Variants in GPR85 observed in about 807,000 individuals in gnomAD.
GPR85 encodes the protein G protein-coupled receptor 85.
A neutral mutation model predicts 21.3 loss-of-function variants in GPR85; 7 were observed. The ratio of observed to expected loss-of-function variants is 0.33; its 90% confidence interval spans 0.19 to 0.62. GPR85 has a LOEUF of 0.62. Ranked by LOEUF, GPR85 falls within the 20% of genes least tolerant of loss-of-function variation. The probability of loss-of-function intolerance (pLI) is 0.80; values close to 1 mark genes in which losing one functional copy is unlikely to be tolerated. For missense variants in GPR85, 299 were observed against 443.8 expected, an observed-to-expected ratio of 0.67 and a Z score of 2.93; for synonymous variants, 167 against 166.1, an observed-to-expected ratio of 1.01 and a Z score of -0.04.
upstream of GPR85, among the ~76,000 whole-genome samples, chr7:113,087,170 G>GGA (rs1794332526): frequency 6.6e-6 from 1 of 152,144 alleles, no homozygotes; most frequent in Non-Finnish European, 1.5e-5. Context: ...GTAAAAGTAG[G>GGA]GAGAAAGCTA....
In GPR85 at chr7:113,084,893, T is replaced by TC; in HGVS notation, c.-170-3_-170-2insG. ...CCACTTGTTTTGCCATCAGAATATC[T>TC]GAAAAAAAAAAAAAAAAAAACCTAT... On this transcript the variant is annotated splice_region_variant and splice_polypyrimidine_tract_variant and intron_variant, in intron 2 of 2. Transcript: ENST00000424100. 14 of 278,000 alleles carry TC rather than the reference T, an allele frequency of 5.0e-5. No homozygotes were observed. Among genetic ancestry groups the TC allele is most frequent in the East Asian group, 5.7e-5 (1 of 17,482 alleles). 17.2% of individuals were successfully genotyped at this position (278,000 alleles called of 1,614,324 possible).
rs1274498933 is a variant in GPR85, at chr7:113,084,013, C to T, written c.709G>A (p.Gly237Ser). 2 of 1,614,056 alleles carry T rather than the reference C, an allele frequency of 1.2e-6. No individual in the cohort carries two copies. Among genetic ancestry groups the T allele is most frequent in the Non-Finnish European group, 1.7e-6 (2 of 1,180,044 alleles). ...GCTAGCCAATTGGCAGCTGCCTGGC[C>T]ACTGGCTCCAGGACCATGAAAAGTC... ...NWTFHGPGAS[G>S]QAAANWLAGF... The change falls in exon 3 of 3, where the codon GGC (glycine) becomes AGC (serine). Residue 237 changes from glycine (G) to serine (S), a missense_variant. Physicochemically the swap from Gly to Ser is moderately conservative, Grantham distance 56. Around this residue, in one of 2 missense-constraint regions of GPR85, gnomAD observed 198 missense variants for 335.4 expected, o/e 0.59. Transcript: ENST00000424100.
In GPR85 at chr7:113,084,896, A is replaced by G. The variant is rs78756576; in HGVS notation, c.-170-5T>C. ...CTTGTTTTGCCATCAGAATATCTGA[A>G]AAAAAAAAAAAAAAAAACCTATCAG... is the stretch of plus-strand genomic sequence containing the variant. On this transcript the variant is annotated splice_polypyrimidine_tract_variant and splice_region_variant and intron_variant, in intron 2 of 2. Coordinates refer to ENST00000424100, the MANE Select transcript of GPR85 (RefSeq NM_001146267.2). The G allele has an allele frequency of 7.7e-6, 2 of 258,924 alleles. No individual in the cohort carries two copies. The highest frequency in any genetic ancestry group is 7.5e-5 in the South Asian group (1 of 13,302). The allele number at this position is 258,924 out of a possible 1,614,324, so 16.0% of individuals were successfully genotyped here. A position where few individuals can be genotyped will look rare whatever the true frequency, so the allele number is the denominator to read the frequency against.
Position 113,083,708 on chromosome 7 carries a change from G to A in GPR85, c.1014C>T (p.Val338=), listed in dbSNP as rs771662948. ...SFAQAGINPF[V]CIFSNRELRR... ...TCAGCTCCCTGTTTGAGAAAATGCA[G>A]ACAAAAGGATTGATTCCTGCTTGGG... The change falls in exon 3 of 3, where the codon GTC becomes GTT. Residue 338 remains valine, a synonymous_variant. Coordinates refer to ENST00000424100, the MANE Select transcript of GPR85 (RefSeq NM_001146267.2). The surrounding 1 kb of genome is among the most constrained non-coding windows in gnomAD (Gnocchi z 4.4). 27 of 1,614,112 alleles carry A rather than the reference G, an allele frequency of 1.7e-5. No homozygotes were observed. The highest frequency in any genetic ancestry group is 2.2e-5 in the Non-Finnish European group (26 of 1,180,040).
At position 113,084,190 on chromosome 7, in the gene GPR85, A is replaced by G; in HGVS notation, c.532T>C (p.Ser178Pro). ...EEDQCTFQHR[S>P]FRANDSLGFM... The stretch of plus-strand genomic sequence containing the variant: ...CCTAAGGAATCATTAGCCCTGAAGG[A>G]GCGGTGTTGGAAGGTGCATTGATCT... The change falls in exon 3 of 3, where the codon TCC (serine) becomes CCC (proline). Residue 178 changes from serine (S) to proline (P), a missense_variant. Transcript: ENST00000424100. 1 of 1,614,118 alleles carries G rather than the reference A, an allele frequency of 6.2e-7. No homozygotes were observed. Among genetic ancestry groups the G allele is most frequent in the Non-Finnish European group, 8.5e-7 (1 of 1,180,006 alleles).
At position 113,086,689 on chromosome 7, in the gene GPR85, C is replaced by T. The variant is rs1794315217; in HGVS notation, c.-656G>A. On this transcript the variant is annotated 5_prime_UTR_variant, in exon 1 of 3. It introduces an in-frame stop codon into an upstream open reading frame of the 5' UTR. Transcript: ENST00000424100. ...GGGTTTATTGACTGCCCTGTCCAAT[C>T]CAACTGGCAGCATTAAGCTTTTGTC... is the stretch of plus-strand genomic sequence containing the variant. Among the ~76,000 whole-genome samples, 1 of 151,890 alleles carries T rather than the reference C, an allele frequency of 6.6e-6. No homozygotes were observed. The highest frequency in any genetic ancestry group is 1.9e-4 in the East Asian group (1 of 5,138).
chr7:113,083,334 G>A lies in GPR85; in HGVS notation c.*275C>T. ...CATTTAGCACTGATACTTAGCACCTGCTACTTTCATTATCTAGTTTTTGAC... is the reference window on the plus strand; with the variant it reads ...CATTTAGCACTGATACTTAGCACCTACTACTTTCATTATCTAGTTTTTGAC... On this transcript the variant is annotated 3_prime_UTR_variant, in exon 3 of 3. Transcript: ENST00000424100. This position sits in a 1 kb window ranked among gnomAD's most constrained non-coding sequence, Gnocchi z 4.4. 1 of 388,496 alleles carries A rather than the reference G, an allele frequency of 2.6e-6. No homozygotes were observed. 24.1% of individuals were successfully genotyped at this position (388,496 alleles called of 1,614,324 possible).
chr7:113,086,195 GAGACACACACACAC>G (rs1301894597), intron 1 of GPR85, 86 bp from the exon 2 acceptor site: 1 of 28,390 alleles, frequency 3.5e-5, no homozygotes, highest in African/African-American at 7.7e-5. Context: ...CACACACACA[GAGACACACACACAC>G]ACACACACAC....
In GPR85 at chr7:113,083,872, T is replaced by C; in HGVS notation, c.850A>G (p.Ser284Gly). The C allele has an allele frequency of 6.2e-7, 1 of 1,614,234 alleles. No individual in the cohort carries two copies. The highest frequency in any genetic ancestry group is 8.5e-7 in the Non-Finnish European group (1 of 1,180,034). The change falls in exon 3 of 3, where the codon AGC (serine) becomes GGC (glycine). Residue 284 changes from serine to glycine, a missense_variant. Ser to Gly is a moderately conservative substitution (Grantham distance 56). This residue lies in a region of GPR85 where 198 missense variants were observed against 335.4 expected (regional missense o/e 0.59). Coordinates refer to ENST00000424100, the MANE Select transcript of GPR85 (RefSeq NM_001146267.2). The surrounding 1 kb of genome is among the most constrained non-coding windows in gnomAD (Gnocchi z 4.4). ...AAAGTCATTATATAGAACATTCTGC[T>C]GATTCTTTTCTCCATTTTGAACTCG... ...LDEFKMEKRI[S>G]RMFYIMTFLF...
At position 113,086,425 on chromosome 7, in the gene GPR85, T is replaced by TTTTTTTTTTTTG. The variant is rs1794298850; in HGVS notation, c.-393_-392insCAAAAAAAAAAA. On this transcript the variant is annotated 5_prime_UTR_variant, in exon 1 of 3. Transcript: ENST00000424100. The stretch of plus-strand genomic sequence containing the variant: ...TTTTTTTTTTTTTTTTTGTTTTTTG[T>TTTTTTTTTTTTG]TTTTTTTTTTTTTTTTTTTGCCTTA... The TTTTTTTTTTTTG allele has an allele frequency of 1.6e-5, 1 of 62,888 alleles. No individual in the cohort carries two copies. Among genetic ancestry groups the TTTTTTTTTTTTG allele is most frequent in the African/African-American group, 8.1e-5 (1 of 12,284 alleles). The allele number at this position is 62,888 out of a possible 1,614,324, so 3.9% of individuals were successfully genotyped here.
Position 113,084,443 on chromosome 7 carries a change from A to T in GPR85, c.279T>A (p.Thr93=), listed in dbSNP as rs2115759267. 6.2e-7 allele frequency: 1 copy of T among 1,614,112 alleles called. No homozygotes were observed. Among genetic ancestry groups the T allele is most frequent in the South Asian group, 1.1e-5 (1 of 91,072 alleles). ...NGSTWTYGTL[T]CKVIAFLGVL... ...CCCCCAGAAAGGCAATCACTTTGCA[A>T]GTCAGAGTCCCATAAGTCCAGGTAG... The change falls in exon 3 of 3, where the codon ACT becomes ACA. Residue 93 remains threonine, a synonymous_variant. Transcript: ENST00000424100.
rs1794189393 is a variant in GPR85, at chr7:113,083,456, T to C, written c.*153A>G. 2 of 706,892 alleles carry C rather than the reference T, an allele frequency of 2.8e-6. No individual in the cohort carries two copies. Among genetic ancestry groups the C allele is most frequent in the East Asian group, 2.5e-5 (1 of 39,924 alleles). 43.8% of individuals were successfully genotyped at this position (706,892 alleles called of 1,614,324 possible). A position where few individuals can be genotyped will look rare whatever the true frequency, so the allele number is the denominator to read the frequency against. On this transcript the variant is annotated 3_prime_UTR_variant, in exon 3 of 3. Transcript: ENST00000424100. This position sits in a 1 kb window ranked among gnomAD's most constrained non-coding sequence, Gnocchi z 4.4. ...CACTCTGAGATTTAAAATAGGATTA[T>C]AGGTGAACTATTGCAAAGACTGCAG...
chr7:113,083,348 C>T lies in GPR85; in HGVS notation c.*261G>A, dbSNP rs1794186638. The T allele has an allele frequency of 2.4e-6, 1 of 413,334 alleles. No homozygotes were observed. The highest frequency in any genetic ancestry group is 4.1e-5 in the Admixed American group (1 of 24,682). The allele number at this position is 413,334 out of a possible 1,614,324, so 25.6% of individuals were successfully genotyped here. A position where few individuals can be genotyped will look rare whatever the true frequency, so the allele number is the denominator to read the frequency against. On this transcript the variant is annotated 3_prime_UTR_variant, in exon 3 of 3. Transcript: ENST00000424100. This position sits in a 1 kb window ranked among gnomAD's most constrained non-coding sequence, Gnocchi z 4.4. ...ACTTAGCACCTGCTACTTTCATTAT[C>T]TAGTTTTTGACCACATAAAGAAACT...
Position 113,084,446 on chromosome 7 carries a change from C to T in GPR85, c.276G>A (p.Leu92=). Residue 92 remains leucine, a synonymous_variant, in exon 3 of 3, where the codon CTG becomes CTA. Coordinates refer to ENST00000424100, the MANE Select transcript of GPR85 (RefSeq NM_001146267.2). ...CCAGAAAGGCAATCACTTTGCAAGTCAGAGTCCCATAAGTCCAGGTAGAAC... is the reference window on the plus strand; with the variant it reads ...CCAGAAAGGCAATCACTTTGCAAGTTAGAGTCCCATAAGTCCAGGTAGAAC... ...KNGSTWTYGT[L]TCKVIAFLGV... is the part of the protein sequence containing the mutation. The T allele has an allele frequency of 6.2e-7, 1 of 1,614,066 alleles. No homozygotes were observed. Among genetic ancestry groups the T allele is most frequent in the Non-Finnish European group, 8.5e-7 (1 of 1,179,972 alleles).
At position 113,086,443 on chromosome 7, in the gene GPR85, T is replaced by TTTTTTTTC. The variant is rs1226724105; in HGVS notation, c.-411_-410insGAAAAAAA. The TTTTTTTTC allele has an allele frequency of 7.5e-6, 1 of 133,692 alleles. No homozygotes were observed. The highest frequency in any genetic ancestry group is 2.8e-5 in the African/African-American group (1 of 35,124). The allele number at this position is 133,692 out of a possible 1,614,324, so 8.3% of individuals were successfully genotyped here. ...TTTTTTGTTTTTTTTTTTTTTTTTTTTGCCTTAGTGCCTTGACTGAGCATC... is the reference window on the plus strand; with the variant it reads ...TTTTTTGTTTTTTTTTTTTTTTTTTTTTTTTTTCTGCCTTAGTGCCTTGACTGAGCATC... On this transcript the variant is annotated 5_prime_UTR_variant, in exon 1 of 3. The change abolishes the stop of an existing upstream ORF in the 5' untranslated region. Transcript: ENST00000424100.
chr7:113,084,694 T>C lies in GPR85; in HGVS notation c.28A>G (p.Asn10Asp). 6.2e-7 allele frequency: 1 copy of C among 1,613,618 alleles called. No individual in the cohort carries two copies. ...AGAGGCGAGAGATTTTGCAAAATGTTGTCAGCTGCATGGCTATAGTTCGCC... is the reference window on the plus strand; with the variant it reads ...AGAGGCGAGAGATTTTGCAAAATGTCGTCAGCTGCATGGCTATAGTTCGCC... MANYSHAAD[N>D]ILQNLSPLTA... Residue 10 changes from asparagine (N) to aspartate (D), a missense_variant, in exon 3 of 3, where the codon AAC becomes GAC. Asn to Asp is a conservative substitution (Grantham distance 23, BLOSUM62 1). Coordinates refer to ENST00000424100, the MANE Select transcript of GPR85 (RefSeq NM_001146267.2).
In GPR85 at chr7:113,083,779, C is replaced by T. The variant is rs1430591606; in HGVS notation, c.943G>A (p.Val315Ile). The T allele has an allele frequency of 6.2e-7, 1 of 1,614,242 alleles. No homozygotes were observed. The highest frequency in any genetic ancestry group is 8.5e-7 in the Non-Finnish European group (1 of 1,180,026). ...CYWRVFARGP[V>I]VPGGFLTAAV... is the part of the protein sequence containing the mutation. ...GCTGTTAGAAATCCCCCTGGTACTA[C>T]AGGCCCTCTTGCAAAAACTCTCCAA... is the stretch of plus-strand genomic sequence containing the variant. The change falls in exon 3 of 3, where the codon GTA (valine) becomes ATA (isoleucine). Residue 315 changes from valine to isoleucine, a missense_variant. Val to Ile is a conservative substitution (Grantham distance 29). Transcript: ENST00000424100. This position sits in a 1 kb window ranked among gnomAD's most constrained non-coding sequence, Gnocchi z 4.4.
chr7:113,084,813 A>T lies in GPR85; in HGVS notation c.-92T>A, dbSNP rs1164184425. 3.3e-6 allele frequency: 3 copies of T among 903,358 alleles called. No homozygotes were observed. In the African/African-American group the frequency reaches 5.1e-5, roughly 15 times the overall value. 56.0% of individuals were successfully genotyped at this position (903,358 alleles called of 1,614,324 possible). On this transcript the variant is annotated 5_prime_UTR_variant, in exon 3 of 3. Coordinates refer to ENST00000424100, the MANE Select transcript of GPR85 (RefSeq NM_001146267.2). ...AGATAGATCCATACATTTTACTGAA[A>T]ATATAATCCACAAAGAGAACTGATC...
Position 113,086,642 on chromosome 7 carries a change from C to T in GPR85, c.-609G>A, listed in dbSNP as rs1198585916. ...GCCTCTGTGGAACCAGCAGGAACCC[C>T]TACCTGACTCCAGAGCTGGCTGGGT... On this transcript the variant is annotated 5_prime_UTR_variant, in exon 1 of 3. Transcript: ENST00000424100. Among the ~76,000 whole-genome samples the T allele has an allele frequency of 6.6e-6, 1 of 151,632 alleles. No individual in the cohort carries two copies. Among genetic ancestry groups the T allele is most frequent in the African/African-American group, 2.4e-5 (1 of 41,336 alleles).
Sources: allele counts gnomAD v4.1 joint callset (sites outside exome capture counted in the v4.1 genomes callset), GRCh38; gene constraint gnomAD v4.1.1; regional missense constraint gnomAD v4.1.1; non-coding constraint Gnocchi (gnomAD v3.1); transcripts MANE v1.5; gene names NCBI Gene and HGNC (gene_info 2026-07-23, HGNC 2026-07-21).